Variants in GRIA4 observed in about 807,000 individuals in gnomAD.
GRIA4 encodes glutamate ionotropic receptor AMPA type subunit 4, also known as glutamate receptor 4.
GRIA4 carries 34 observed loss-of-function variants against 104.0 expected under a neutral mutation model. That is an observed-to-expected ratio of 0.33 (90% CI 0.25 to 0.44). GRIA4 has a LOEUF of 0.44. GRIA4 is among the 20% of genes least tolerant of loss of function. GRIA4 has a pLI of 1.00. For missense variants in GRIA4, 750 were observed against 1,096.5 expected (o/e 0.68, Z 4.46); for synonymous variants, 386 against 381.9 (o/e 1.01, Z -0.13).
chr11:105,767,434 A>C (rs1025080675), intron 4 of GRIA4, among the ~76,000 whole-genome samples: 1 of 152,126 alleles, frequency 6.6e-6, no homozygotes, highest in Non-Finnish European at 1.5e-5. Context: ...AAAGGAGGGG[A>C]AATCTCTAGC....
At chr11:105,797,665 G>T in intron 4 of GRIA4, 2 of 310,184 alleles carry the variant, frequency 6.4e-6, no homozygotes, top group Non-Finnish European at 6.6e-6. Context: ...CAACTTAATC[G>T]TGCTACCTTT....
In GRIA4 at chr11:105,862,165, T is replaced by A. The variant is rs1287406204; in HGVS notation, c.629T>A (p.Val210Glu). ...ELDRRQEKKFVIDCEIERLQN... is the reference protein window; with the variant it reads ...ELDRRQEKKFEIDCEIERLQN... ...GACAGAAGACAAGAGAAGAAGTTTG[T>A]AATAGACTGTGAGATAGAGAGACTT... Residue 210 changes from valine to glutamate, a missense_variant, in exon 5 of 17, where the codon GTA becomes GAA. Physicochemically the swap from Val to Glu is moderately radical, Grantham distance 121. Around this residue, in one of 3 missense-constraint regions of GRIA4, gnomAD observed 410 missense variants for 502.7 expected, o/e 0.82. Transcript: ENST00000282499. The A allele has an allele frequency of 6.2e-7, 1 of 1,605,978 alleles. No individual in the cohort carries two copies. The highest frequency in any genetic ancestry group is 8.5e-7 in the Non-Finnish European group (1 of 1,172,652).
At chr11:105,621,089 G>C (rs923013425) in intron 3 of GRIA4, among the ~76,000 whole-genome samples, 3 of 151,820 alleles carry the variant, frequency 2.0e-5, no homozygotes, top group African/African-American at 4.8e-5. Context: ...AAAAATATTT[G>C]AGATGTATTC....
At chr11:105,916,494 A>T (rs1219054665) in intron 10 of GRIA4, among the ~76,000 whole-genome samples, 1 of 152,206 alleles carries the variant, frequency 6.6e-6, no homozygotes, top group African/African-American at 2.4e-5. Context: ...AAAAAATTAT[A>T]GTGACTTTGA....
chr11:105,646,065 T>A (rs1951518530), intron 3 of GRIA4, among the ~76,000 whole-genome samples: 2 of 152,160 alleles, frequency 1.3e-5, no homozygotes, highest in Admixed American at 6.6e-5. Context: ...TACTGTGATA[T>A]TATGTACAGG....
intron 14 of GRIA4, among the ~76,000 whole-genome samples, chr11:105,955,304 T>C (rs905894853): frequency 1.3e-5 from 2 of 151,956 alleles, no homozygotes; most frequent in East Asian, 3.9e-4. Context: ...CTGGTGTGTG[T>C]TGTTCCCTTC....
At chr11:105,845,931 G>A (rs1415377479) in intron 4 of GRIA4, among the ~76,000 whole-genome samples, 1 of 152,144 alleles carries the variant, frequency 6.6e-6, no homozygotes, top group Non-Finnish European at 1.5e-5. Flanking sequence ...CTATCCCATA[G>A]AGTTGTTTTG....
intron 3 of GRIA4, among the ~76,000 whole-genome samples, chr11:105,677,656 T>C (rs1408963450): frequency 6.6e-6 from 1 of 151,990 alleles, no homozygotes; most frequent in Non-Finnish European, 1.5e-5. Flanking sequence ...CTCCTCATCT[T>C]TCATACCTAG....
chr11:105,693,549 A>AT (rs1026249379), intron 3 of GRIA4, among the ~76,000 whole-genome samples: 31 of 152,170 alleles, frequency 2.0e-4, no homozygotes, highest in African/African-American at 7.5e-4. Context: ...AGAATCTGGC[A>AT]TTTTTTTCCT....
chr11:105,959,758 A>C lies in GRIA4; in HGVS notation c.2295-12156A>C, dbSNP rs541060758. ...TGAGTTTGTCTAGTTTCGTTCTTTG[A>C]GGCTGCTGACCCTTGGATGGGGTGT... On this transcript the variant is annotated intron_variant, in intron 14 of 16. Transcript: ENST00000282499. Among the ~76,000 whole-genome samples, 4 of 152,016 alleles carry C rather than the reference A, an allele frequency of 2.6e-5. No individual in the cohort carries two copies. In the South Asian group the frequency reaches 8.3e-4, roughly 32 times the overall value.
intron 3 of GRIA4, chr11:105,613,816 A>T (rs984639079): frequency 6.6e-6 from 1 of 152,056 alleles, no homozygotes; most frequent in African/African-American, 2.4e-5. Flanking sequence ...GGAAGGCTAT[A>T]GGTTCTATGA....
rs1270173537 is a variant in GRIA4 at position 105,693,481 on chromosome 11, TA to T, written c.248-59494del. On this transcript the variant is annotated intron_variant, in intron 3 of 16. Transcript: ENST00000282499. ...CTATTTTTTTTTAAACTCAAGACTT[TA>T]AAAAAGGGAATGTAAATATTCTAGA... is the stretch of plus-strand genomic sequence containing the variant. Among the ~76,000 whole-genome samples the T allele has an allele frequency of 3.3e-5, 5 of 152,118 alleles. No homozygotes were observed. The South Asian group carries it at 8.3e-4, about 25-fold the overall frequency.
At chr11:105,785,078 C>G (rs1333936242) in intron 4 of GRIA4, among the ~76,000 whole-genome samples, 11 of 152,134 alleles carry the variant, frequency 7.2e-5, no homozygotes, top group Admixed American at 7.2e-4. Context: ...TAATTTAATC[C>G]TCCAAAACAC....
At chr11:105,618,843 G>T (rs1950666551) in intron 3 of GRIA4, among the ~76,000 whole-genome samples, 1 of 151,838 alleles carries the variant, frequency 6.6e-6, no homozygotes, top group African/African-American at 2.4e-5. Flanking sequence ...TTGAGGGGAA[G>T]AGAGAGGAAA....
chr11:105,852,033 T>A (rs1272230275), intron 4 of GRIA4, among the ~76,000 whole-genome samples: 3 of 152,118 alleles, frequency 2.0e-5, no homozygotes, highest in Non-Finnish European at 4.4e-5. Context: ...AAGAAATAAA[T>A]AGAGAACTGC....
chr11:105,847,133 A>G (rs1041886194), intron 4 of GRIA4, among the ~76,000 whole-genome samples: 2 of 151,538 alleles, frequency 1.3e-5, no homozygotes, highest in African/African-American at 2.4e-5. Flanking sequence ...CTGGAAGACA[A>G]TTTTTCCAGG....
In GRIA4 at chr11:105,879,382, T is replaced by C. The variant is rs939623922; in HGVS notation, c.673-8137T>C. Among the ~76,000 whole-genome samples, 5 of 152,224 alleles carry C rather than the reference T, an allele frequency of 3.3e-5. No homozygotes were observed. In the East Asian group the frequency reaches 9.6e-4, roughly 29 times the overall value. Reference sequence around the variant, plus strand: ...GTAGTTTCATTTTTAATTGATTACTTTGAGCTTGTTGTACATAAATAAAAT... The same window carrying C: ...GTAGTTTCATTTTTAATTGATTACTCTGAGCTTGTTGTACATAAATAAAAT... On this transcript the variant is annotated intron_variant, in intron 5 of 16. Transcript: ENST00000282499.
intron 3 of GRIA4, among the ~76,000 whole-genome samples, chr11:105,691,722 G>A (rs1953090575): frequency 6.6e-6 from 1 of 151,910 alleles, no homozygotes; most frequent in African/African-American, 2.4e-5. Context: ...GAATCAGGGG[G>A]TCAAAAAATC....
intron 4 of GRIA4, among the ~76,000 whole-genome samples, chr11:105,800,468 G>T (rs186265652): frequency 1.3e-5 from 2 of 152,134 alleles, no homozygotes; most frequent in Admixed American, 1.3e-4. Flanking sequence ...AGGTACCTAT[G>T]CCTTGGAACA....
Sources: allele counts gnomAD v4.1 joint callset (sites outside exome capture counted in the v4.1 genomes callset), GRCh38; gene constraint gnomAD v4.1.1; regional missense constraint gnomAD v4.1.1; transcripts MANE v1.5; gene names NCBI Gene and HGNC (gene_info 2026-07-23, HGNC 2026-07-21).